Variants in IFT140 observed in about 807,000 individuals in gnomAD.
The protein encoded by IFT140 is intraflagellar transport protein 140 homolog.
Under a neutral mutation model 164.6 loss-of-function variants are expected in IFT140, and 133 were observed. The observed-to-expected ratio is 0.81, with a 90% CI of 0.70 to 0.93. IFT140 has a LOEUF of 0.93. IFT140 is among the 40% of genes least tolerant of loss of function. IFT140 has a pLI of 0.00. For missense variants in IFT140, 2,045 were observed against 1,972.3 expected (o/e 1.04, Z -0.70); for synonymous variants, 860 against 817.3 (o/e 1.05, Z -0.89).
chr16:1,560,534 G>A (rs1456103980), intron 18 of IFT140, among the ~76,000 whole-genome samples: 1 of 152,218 alleles, frequency 6.6e-6, no homozygotes, highest in Non-Finnish European at 1.5e-5. Flanking sequence ...TCCTATGAAG[G>A]TGAATGCCAG....
chr16:1,515,527 C>T (rs1172700927), intron 30 of IFT140, among the ~76,000 whole-genome samples: 1 of 152,118 alleles, frequency 6.6e-6, no homozygotes, highest in Non-Finnish European at 1.5e-5. Context: ...CCACCTCAGC[C>T]TCCCAAGCAG....
intron 4 of IFT140, among the ~76,000 whole-genome samples, chr16:1,596,530 T>C (rs1208684133): frequency 2.0e-5 from 3 of 152,200 alleles, no homozygotes; most frequent in Non-Finnish European, 4.4e-5. Flanking sequence ...TGCAAAAGTT[T>C]AGAGCGCCTG....
chr16:1,598,374 C>T (rs941316958), intron 4 of IFT140, among the ~76,000 whole-genome samples: 2 of 151,988 alleles, frequency 1.3e-5, no homozygotes, highest in East Asian at 1.9e-4. Flanking sequence ...AGGAGAATGG[C>T]GTGAACCTAG....
intron 26 of IFT140, 97 bp downstream of exon 26, chr16:1,523,421 T>C (rs2040580967): frequency 7.4e-7 from 1 of 1,360,136 alleles, no homozygotes; most frequent in African/African-American, 1.4e-5. Context: ...GGAGAACTCA[T>C]AACCAAGCAA....
At chr16:1,555,067 G>A (rs930594294) in intron 19 of IFT140, 21 of 1,573,698 alleles carry the variant, frequency 1.3e-5, no homozygotes, top group East Asian at 2.3e-5. Flanking sequence ...ACCTGCTATC[G>A]TGGAACAGCC....
At chr16:1,600,014 G>A (rs1393367786) in intron 4 of IFT140, among the ~76,000 whole-genome samples, 9 of 145,966 alleles carry the variant, frequency 6.2e-5, no homozygotes, top group Admixed American at 4.0e-4. Flanking sequence ...ATAGAAAGGC[G>A]GGAAAGGTGG....
In IFT140 at chr16:1,612,025, C is replaced by A. The variant is rs1447566796; in HGVS notation, c.-279G>T. 1 of 152,230 alleles carries A rather than the reference C, an allele frequency of 6.6e-6. No homozygotes were observed. Among genetic ancestry groups the A allele is most frequent in the Non-Finnish European group, 1.5e-5 (1 of 68,056 alleles). 9.4% of individuals were successfully genotyped at this position (152,230 alleles called of 1,614,324 possible). A position where few individuals can be genotyped will look rare whatever the true frequency, so the allele number is the denominator to read the frequency against. ...TCAGGTTCGCGCCCGATTCCACACT[C>A]CGAGCTACCACGCCGTTTTCTTCTC... On this transcript the variant is annotated 5_prime_UTR_variant, in exon 1 of 31. Coordinates refer to ENST00000426508, the MANE Select transcript of IFT140 (RefSeq NM_014714.4).
rs560517772 is a variant in IFT140 at position 1,525,403 on chromosome 16, G to A, written c.2769-77C>T. On this transcript the variant is annotated intron_variant, in intron 21 of 30. Coordinates refer to ENST00000426508, the MANE Select transcript of IFT140 (RefSeq NM_014714.4). ...GGAACCGGGTGGGCTGAGGGGCAGC[G>A]TCGGTGAAACGCATCAGAGCGGTGG... The A allele has an allele frequency of 1.5e-5, 17 of 1,120,292 alleles. No individual in the cohort carries two copies. The East Asian group carries it at 2.4e-4, about 16-fold the overall frequency. 69.4% of individuals were successfully genotyped at this position (1,120,292 alleles called of 1,614,324 possible). A position where few individuals can be genotyped will look rare whatever the true frequency, so the allele number is the denominator to read the frequency against.
chr16:1,534,551 C>A (rs762986957), intron 19 of IFT140: 15 of 1,602,682 alleles, frequency 9.4e-6, no homozygotes, highest in Non-Finnish European at 1.2e-5. Context: ...GAGGCACCGT[C>A]AAACGTAAGT....
At chr16:1,552,814 AT>A (rs1396892561) in intron 19 of IFT140, 4,260 of 201,780 alleles carry the variant, frequency 0.021, no homozygotes, top group Non-Finnish European at 0.033. Flanking sequence ...CACCTCACTA[AT>A]TTTTTTTTTT....
intron 15 of IFT140, among the ~76,000 whole-genome samples, chr16:1,566,682 G>C (rs533390469): frequency 6.6e-6 from 1 of 152,236 alleles, no homozygotes; most frequent in East Asian, 1.9e-4. Context: ...CCATGGTCAA[G>C]TAGGCCCCTT....
chr16:1,541,887 C>T (rs770095980), intron 19 of IFT140: 1 of 1,555,784 alleles, frequency 6.4e-7, no homozygotes, highest in Middle Eastern at 1.7e-4. Context: ...AGCCCACCTG[C>T]ACTCACCACT....
chr16:1,570,738 G>A (rs995388004), intron 14 of IFT140, among the ~76,000 whole-genome samples: 3 of 152,052 alleles, frequency 2.0e-5, no homozygotes, highest in Admixed American at 6.6e-5. Context: ...TCTGTGTTCC[G>A]TCCTGGGGTC....
At chr16:1,520,453 G>A in intron 27 of IFT140, 110 bp from the exon 28 acceptor site, 1 of 1,359,254 alleles carries the variant, frequency 7.4e-7, no homozygotes, top group Non-Finnish European at 1.0e-6. Flanking sequence ...CTGCCCGGTA[G>A]AGAGAGATCT....
In IFT140 at chr16:1,535,158, G is replaced by A. The variant is rs1158582448; in HGVS notation, c.2400-8362C>T. On this transcript the variant is annotated intron_variant, in intron 19 of 30. Coordinates refer to ENST00000426508, the MANE Select transcript of IFT140 (RefSeq NM_014714.4). Reference sequence around the variant, plus strand: ...TCTCACGGTTGTTGGGGTCTTTGAGGCAGAGAGCAGCAGCAGGATCCCCAG... The same window carrying A: ...TCTCACGGTTGTTGGGGTCTTTGAGACAGAGAGCAGCAGCAGGATCCCCAG... Among the ~76,000 whole-genome samples, 5 of 152,252 alleles carry A rather than the reference G, an allele frequency of 3.3e-5. No homozygotes were observed. The East Asian group carries it at 9.7e-4, about 29-fold the overall frequency.
intron 30 of IFT140, among the ~76,000 whole-genome samples, chr16:1,513,897 T>C (rs1331014755): frequency 6.9e-6 from 1 of 144,398 alleles, no homozygotes; most frequent in African/African-American, 2.6e-5. Context: ...ATGGTCTCCA[T>C]CTCCTGACCT....
chr16:1,544,465 G>A (rs956886029), intron 19 of IFT140, among the ~76,000 whole-genome samples: 1 of 151,778 alleles, frequency 6.6e-6, no homozygotes, highest in Non-Finnish European at 1.5e-5. Flanking sequence ...GATTATAGGC[G>A]TGAGCCACCG....
intron 13 of IFT140, 73 bp downstream of exon 13, chr16:1,580,686 C>G: frequency 1.0e-6 from 1 of 999,504 alleles, no homozygotes; most frequent in Non-Finnish European, 1.6e-6. Flanking sequence ...AATCAATAAA[C>G]AGGCTTTGTC....
rs763231511 is a variant in IFT140 at position 1,566,285 on chromosome 16, T to C, written c.1777A>G (p.Asn593Asp). 3.6e-5 allele frequency: 58 copies of C among 1,613,198 alleles called. No homozygotes were observed. Among genetic ancestry groups the C allele is most frequent in the Non-Finnish European group, 4.9e-5 (58 of 1,179,410 alleles). ...TISILPSKAD[N>D]SPDSKICFYD... Reference sequence around the variant, plus strand: ...AAGCAGATTTTGGAATCAGGGCTGTTGTCAGCCTAGGAGAAGAGAAAACCA... The same window carrying C: ...AAGCAGATTTTGGAATCAGGGCTGTCGTCAGCCTAGGAGAAGAGAAAACCA... Residue 593 changes from asparagine (N) to aspartate (D), a missense_variant, in exon 16 of 31, where the codon AAC (asparagine) becomes GAC (aspartate). By Grantham distance (23) the Asn-to-Asp change is conservative (BLOSUM62 1). Coordinates refer to ENST00000426508, the MANE Select transcript of IFT140 (RefSeq NM_014714.4).
Sources: allele counts gnomAD v4.1 joint callset (sites outside exome capture counted in the v4.1 genomes callset), GRCh38; gene constraint gnomAD v4.1.1; transcripts MANE v1.5; gene names NCBI Gene and HGNC (gene_info 2026-07-23, HGNC 2026-07-21).